The following FHIT variants were observed in gnomAD, a reference collection of about 807,000 sequenced individuals.
FHIT encodes the protein fragile histidine triad diadenosine triphosphatase.
Under a neutral mutation model 17.9 loss-of-function variants are expected in FHIT, and 19 were observed. The observed-to-expected ratio is 1.06, with a 90% CI of 0.74 to 1.56. The LOEUF is 1.56. FHIT is among the 40% of genes most tolerant of loss of function. The pLI, the probability that FHIT is intolerant of heterozygous loss-of-function variation, is 0.00. For missense variants in FHIT, 248 were observed against 189.2 expected, an observed-to-expected ratio of 1.31 and a Z score of -1.82; for synonymous variants, 81 against 69.7, an observed-to-expected ratio of 1.16 and a Z score of -0.81.
chr3:60,569,744 T>G lies in FHIT; in HGVS notation c.-17-32765A>C, dbSNP rs576927657. On this transcript the variant is annotated intron_variant, in intron 4 of 9. Coordinates refer to ENST00000492590, the MANE Select transcript of FHIT (RefSeq NM_002012.4). The stretch of plus-strand genomic sequence containing the variant: ...TTAATACTATATATATATATATATA[T>G]ATATATATATATTTTTTTTTTTTTT... Among the ~76,000 whole-genome samples the G allele has an allele frequency of 8.4e-4, 64 of 76,188 alleles. 4 individuals are homozygous for G. The highest frequency in any genetic ancestry group is 3.2e-3 in the African/African-American group (56 of 17,748). The allele number at this position is 76,188 out of a possible 152,430, so 50.0% of individuals were successfully genotyped here.
chr3:60,005,486 T>C (rs1575864138), intron 7 of FHIT, among the ~76,000 whole-genome samples: 1 of 152,012 alleles, frequency 6.6e-6, no homozygotes, highest in Admixed American at 6.6e-5. Flanking sequence ...GATATTTACA[T>C]GCCAGAGGAA....
At chr3:60,105,329 T>C (rs1704362094) in intron 5 of FHIT, among the ~76,000 whole-genome samples, 2 of 152,206 alleles carry the variant, frequency 1.3e-5, no homozygotes, top group Non-Finnish European at 1.5e-5. Flanking sequence ...AATGCATGCA[T>C]GTACTCACAC....
chr3:60,487,240 G>A (rs1337909538), intron 5 of FHIT, among the ~76,000 whole-genome samples: 1 of 152,128 alleles, frequency 6.6e-6, no homozygotes, highest in Admixed American at 6.6e-5. Context: ...CCCAGCACGT[G>A]GGCACAAATG....
At chr3:61,187,985 A>G (rs184177412) in intron 2 of FHIT, among the ~76,000 whole-genome samples, 20 of 152,364 alleles carry the variant, frequency 1.3e-4, no homozygotes, top group African/African-American at 4.3e-4. Flanking sequence ...AGCAGAAAAG[A>G]TCTAAAATTG....
chr3:60,337,862 C>T (rs1377939435), intron 5 of FHIT, among the ~76,000 whole-genome samples: 1 of 152,156 alleles, frequency 6.6e-6, no homozygotes, highest in Non-Finnish European at 1.5e-5. Flanking sequence ...AGTTTGCATT[C>T]CTGGTCACTG....
chr3:59,925,431 C>T (rs1270969155), intron 7 of FHIT, among the ~76,000 whole-genome samples: 1 of 152,160 alleles, frequency 6.6e-6, no homozygotes, highest in South Asian at 2.1e-4. Flanking sequence ...CTGAATGCTT[C>T]TCTGGCTTTC....
intron 4 of FHIT, among the ~76,000 whole-genome samples, chr3:60,695,549 A>G (rs1366989754): frequency 2.0e-5 from 3 of 152,190 alleles, no homozygotes; most frequent in African/African-American, 4.8e-5. Flanking sequence ...TTTATGCTTC[A>G]TTTCCTACAT....
intron 7 of FHIT, among the ~76,000 whole-genome samples, chr3:59,995,982 G>A (rs1288400715): frequency 2.0e-5 from 3 of 152,066 alleles, no homozygotes; most frequent in Non-Finnish European, 2.9e-5. Context: ...AGATGAAGAA[G>A]AAGAGAGTGA....
chr3:59,796,171 G>C (rs1699770022), intron 8 of FHIT, among the ~76,000 whole-genome samples: 1 of 152,130 alleles, frequency 6.6e-6, no homozygotes, highest in South Asian at 2.1e-4. Context: ...GCAAGATGCG[G>C]TATGTCTAGC....
intron 5 of FHIT, among the ~76,000 whole-genome samples, chr3:60,021,889 C>A (rs1488967124): frequency 2.6e-5 from 4 of 152,084 alleles, no homozygotes; most frequent in African/African-American, 4.8e-5. Flanking sequence ...ATACATTATA[C>A]AGAAAAAAAA....
chr3:60,872,240 C>A (rs1704446797), intron 3 of FHIT, among the ~76,000 whole-genome samples: 1 of 152,036 alleles, frequency 6.6e-6, no homozygotes, highest in Non-Finnish European at 1.5e-5. Flanking sequence ...CTCATGAGCG[C>A]TTGTTGCAAA....
intron 3 of FHIT, among the ~76,000 whole-genome samples, chr3:60,859,555 C>T (rs1224287154): frequency 1.3e-5 from 2 of 151,684 alleles, no homozygotes; most frequent in African/African-American, 4.8e-5. Flanking sequence ...GATGGGCCTA[C>T]AGAAATCCTC....
chr3:60,140,655 C>A (rs183302703), intron 5 of FHIT, among the ~76,000 whole-genome samples: 1 of 150,930 alleles, frequency 6.6e-6, no homozygotes. Flanking sequence ...CTCAGCTCAC[C>A]GCAACCTCCA....
At chr3:60,194,637 C>T (rs1472530777) in intron 5 of FHIT, among the ~76,000 whole-genome samples, 1 of 152,002 alleles carries the variant, frequency 6.6e-6, no homozygotes, top group Non-Finnish European at 1.5e-5. Flanking sequence ...ACAATCATCA[C>T]AGTAAAAAGC....
chr3:60,092,294 A>T (rs1289009907), intron 5 of FHIT, among the ~76,000 whole-genome samples: 1 of 152,220 alleles, frequency 6.6e-6, no homozygotes, highest in African/African-American at 2.4e-5. Flanking sequence ...TTTTGATTAC[A>T]TAAAGATCTA....
chr3:59,913,538 G>C (rs1704985710), intron 8 of FHIT, among the ~76,000 whole-genome samples: 1 of 152,030 alleles, frequency 6.6e-6, no homozygotes, highest in South Asian at 2.1e-4. Context: ...AGCCCAATGT[G>C]TATTCTCATT....
At chr3:60,492,222 C>T (rs1480339188) in intron 5 of FHIT, among the ~76,000 whole-genome samples, 1 of 152,190 alleles carries the variant, frequency 6.6e-6, no homozygotes, top group East Asian at 1.9e-4. Context: ...GTGGAAGGAA[C>T]AGGCAACATA....
intron 5 of FHIT, among the ~76,000 whole-genome samples, chr3:60,041,782 C>T (rs1417703647): frequency 6.6e-6 from 1 of 152,160 alleles, no homozygotes; most frequent in East Asian, 1.9e-4. Flanking sequence ...TTAATCTTTC[C>T]ACAATGCATT....
At chr3:60,593,140 T>C (rs1553664989) in intron 4 of FHIT, among the ~76,000 whole-genome samples, 2 of 152,294 alleles carry the variant, frequency 1.3e-5, no homozygotes, top group African/African-American at 4.8e-5. Flanking sequence ...TCATTTTGAC[T>C]AGAACATACA....
Sources: gnomAD v4.1 joint callset for allele counts (sites outside exome capture counted in the v4.1 genomes callset) on GRCh38, gnomAD v4.1.1 for gene constraint, MANE v1.5 for transcripts, NCBI Gene and HGNC (gene_info 2026-07-23, HGNC 2026-07-21) for gene names.